CES5A: variants seen among roughly 807,000 people sequenced by gnomAD.
CES5A encodes carboxylesterase 5A.
In CES5A, 67 loss-of-function variants were observed where a neutral mutation model predicts 62.9. That is an observed-to-expected ratio of 1.07 (90% CI 0.88 to 1.31). The LOEUF is 1.31. CES5A is among the 50% of genes most tolerant of loss of function. The pLI is 0.00. For synonymous variants in CES5A, 296 were observed against 280.8 expected, an observed-to-expected ratio of 1.05 and a Z score of -0.54; for missense variants, 748 against 708.5, an observed-to-expected ratio of 1.06 and a Z score of -0.63.
chr16:55,903,115 T>A (rs1428125241), intron 1 of CES5A, among the ~76,000 whole-genome samples: 2 of 148,762 alleles, frequency 1.3e-5, no homozygotes, highest in African/African-American at 2.5e-5. Context: ...CTCGTTAGTC[T>A]AAAGGGATGC....
At position 55,869,735 on chromosome 16, in the gene CES5A, A is replaced by G; in HGVS notation, c.427T>C (p.Trp143Arg). 2 of 1,603,210 alleles carry G rather than the reference A, an allele frequency of 1.2e-6. No homozygotes were observed. Among genetic ancestry groups the G allele is most frequent in the Non-Finnish European group, 1.7e-6 (2 of 1,173,598 alleles). Residue 143 changes from tryptophan (W) to arginine (R), a missense_variant, in exon 4 of 13, where the codon TGG (tryptophan) becomes CGG (arginine). Trp to Arg is a moderately radical substitution (Grantham distance 101, BLOSUM62 -3). Transcript: ENST00000290567. ...DTGSKLPVLV[W>R]FPGGAFKTGS... ...GTCTTGAAGGCACCTCCTGGGAACC[A>G]CACCAAGACCTGAGGAGGGGAGAAG...
upstream of CES5A, among the ~76,000 whole-genome samples, chr16:55,876,117 G>A (rs548610295): frequency 9.1e-4 from 139 of 152,226 alleles, no homozygotes; most frequent in African/African-American, 3.2e-3. Context: ...CCTCCTTGGA[G>A]TACACCTAGG....
intron 2 of CES5A, among the ~76,000 whole-genome samples, chr16:55,936,704 C>CTGCT (rs2034379477): frequency 6.6e-6 from 1 of 152,194 alleles, no homozygotes; most frequent in Non-Finnish European, 1.5e-5. Flanking sequence ...AGACATTAGG[C>CTGCT]TGCTAGTAGC....
chr16:55,862,711 G>T (rs1218421863), intron 6 of CES5A, among the ~76,000 whole-genome samples: 1 of 152,208 alleles, frequency 6.6e-6, no homozygotes, highest in African/African-American at 2.4e-5. Flanking sequence ...AGAGATGGCT[G>T]CACAGCCCAG....
At chr16:55,924,561 G>GA (rs1254051066) in intron 1 of CES5A, among the ~76,000 whole-genome samples, 60 of 151,678 alleles carry the variant, frequency 4.0e-4, no homozygotes, top group African/African-American at 1.4e-3. Flanking sequence ...TACAGAAATA[G>GA]AAAAAAAATT....
chr16:55,931,770 G>T (rs958557771), intron 2 of CES5A, among the ~76,000 whole-genome samples: 1 of 152,150 alleles, frequency 6.6e-6, no homozygotes, highest in African/African-American at 2.4e-5. Context: ...CTGACTCCTG[G>T]CCTCTCACTA....
At chr16:55,914,529 C>A (rs1336392946) in intron 1 of CES5A, among the ~76,000 whole-genome samples, 2 of 152,174 alleles carry the variant, frequency 1.3e-5, no homozygotes, top group Non-Finnish European at 2.9e-5. Context: ...TAGAAAGAAA[C>A]CAGGAACCAA....
At chr16:55,929,482 ATCCACACTGGCCCCTCTGCGCC>A (rs1170780520), upstream of CES5A, among the ~76,000 whole-genome samples, 1 of 151,978 alleles carries the variant, frequency 6.6e-6, no homozygotes, top group African/African-American at 2.4e-5. Context: ...GACTCCCCAC[ATCCACACTGGCCCCTCTGCGCC>A]TCCACATCCA....
chr16:55,872,042 C>A (rs978703607), intron 2 of CES5A, among the ~76,000 whole-genome samples: 1 of 152,162 alleles, frequency 6.6e-6, no homozygotes, highest in South Asian at 2.1e-4. Context: ...CCTACACCAC[C>A]CTCCTATGCC....
At chr16:55,910,210 C>A (rs1384319466) in intron 1 of CES5A, among the ~76,000 whole-genome samples, 12 of 152,214 alleles carry the variant, frequency 7.9e-5, no homozygotes, top group Admixed American at 7.9e-4. Context: ...GCAGCCCACT[C>A]TTCTAAGTGC....
intron 10 of CES5A, among the ~76,000 whole-genome samples, chr16:55,852,250 AT>A (rs536314452): frequency 2.5e-3 from 383 of 152,352 alleles, no homozygotes; most frequent in South Asian, 0.023. Flanking sequence ...AAAAAAGAGT[AT>A]GCCATTTCAT....
chr16:55,866,756 T>C (rs1350944955), intron 4 of CES5A, among the ~76,000 whole-genome samples: 2 of 151,496 alleles, frequency 1.3e-5, no homozygotes, highest in Admixed American at 6.6e-5. Context: ...GAGAATGGCT[T>C]GACCCCGGGA....
chr16:55,877,242 G>T (rs1277283250), upstream of CES5A, among the ~76,000 whole-genome samples: 4 of 152,128 alleles, frequency 2.6e-5, no homozygotes, highest in Non-Finnish European at 4.4e-5. Flanking sequence ...GCAAATATGA[G>T]AGGCTATGGA....
intron 2 of CES5A, among the ~76,000 whole-genome samples, chr16:55,946,931 T>C (rs1232761302): frequency 6.6e-6 from 1 of 152,206 alleles, no homozygotes; most frequent in African/African-American, 2.4e-5. Context: ...CTCAAGTCTA[T>C]TTCAAGCTGC....
At chr16:55,866,150 CA>C in intron 4 of CES5A, 34 bp from the exon 5 acceptor site, 1 of 1,594,588 alleles carries the variant, frequency 6.3e-7, no homozygotes. Context: ...AATTCTTGGT[CA>C]GCCATGGTGT....
intron 1 of CES5A, among the ~76,000 whole-genome samples, chr16:55,887,061 T>C (rs1187443805): frequency 4.6e-5 from 7 of 152,140 alleles, no homozygotes; most frequent in African/African-American, 1.7e-4. Flanking sequence ...AGGGTTGGAA[T>C]GTTGTACTAC....
intron 1 of CES5A, among the ~76,000 whole-genome samples, chr16:55,901,570 C>G (rs1354741153): frequency 2.0e-5 from 3 of 152,232 alleles, no homozygotes; most frequent in Non-Finnish European, 4.4e-5. Flanking sequence ...AAGCCTTCCC[C>G]TTACAAAATG....
chr16:55,903,227 T>C (rs1365627119), intron 1 of CES5A, among the ~76,000 whole-genome samples: 1 of 152,118 alleles, frequency 6.6e-6, no homozygotes, highest in Non-Finnish European at 1.5e-5. Flanking sequence ...TGCACCTGTG[T>C]GCAGGTGTCA....
intron 2 of CES5A, among the ~76,000 whole-genome samples, chr16:55,949,081 G>C (rs942815872): frequency 2.0e-5 from 3 of 152,198 alleles, no homozygotes; most frequent in Non-Finnish European, 4.4e-5. Flanking sequence ...AGCCACAATA[G>C]TGCTTTGCTC....
Sources: allele counts gnomAD v4.1 joint callset (sites outside exome capture counted in the v4.1 genomes callset), GRCh38; gene constraint gnomAD v4.1.1; transcripts MANE v1.5; gene names NCBI Gene and HGNC (gene_info 2026-07-23, HGNC 2026-07-21).